MTDH: variants seen among roughly 807,000 people sequenced by gnomAD.
MTDH encodes protein LYRIC.
MTDH carries 34 observed loss-of-function variants against 72.7 expected under a neutral mutation model. The observed-to-expected ratio is 0.47, with a 90% CI of 0.36 to 0.62. MTDH has a LOEUF of 0.62. Among genes scored for constraint, MTDH ranks in the 20% least tolerant of loss-of-function variants. MTDH has a pLI of 0.00. For missense variants in MTDH, 677 were observed against 699.4 expected, an observed-to-expected ratio of 0.97 and a Z score of 0.36; for synonymous variants, 266 against 268.9, an observed-to-expected ratio of 0.99 and a Z score of 0.10.
intron 7 of MTDH, among the ~76,000 whole-genome samples, chr8:97,705,926 G>C (rs923094075): frequency 1.3e-5 from 2 of 152,174 alleles, no homozygotes; most frequent in East Asian, 1.9e-4. Context: ...TAAAAATTCA[G>C]TGCATCCTAT....
intron 1 of MTDH, among the ~76,000 whole-genome samples, chr8:97,653,705 T>G (rs1222832438): frequency 6.6e-6 from 1 of 152,148 alleles, no homozygotes; most frequent in Admixed American, 6.5e-5. Context: ...TTGAGAGTAT[T>G]TTTAAATTAT....
intron 1 of MTDH, 22 bp from the exon 2 acceptor site, chr8:97,661,050 A>T: frequency 6.3e-7 from 1 of 1,598,256 alleles, no homozygotes; most frequent in Non-Finnish European, 8.6e-7. Flanking sequence ...TGATAATATG[A>T]TACTTTTTGT....
chr8:97,695,607 G>A (rs1323661968), intron 6 of MTDH, among the ~76,000 whole-genome samples: 2 of 152,174 alleles, frequency 1.3e-5, no homozygotes, highest in African/African-American at 2.4e-5. Context: ...AGACAGATGT[G>A]ACTCGTCTCA....
chr8:97,659,491 T>C (rs1214417477), intron 1 of MTDH, among the ~76,000 whole-genome samples: 1 of 152,266 alleles, frequency 6.6e-6, no homozygotes, highest in Non-Finnish European at 1.5e-5. Context: ...GTTTTGATTT[T>C]CTGCCACAGA....
chr8:97,713,878 CATTT>C (rs1814737937), intron 9 of MTDH, 109 bp downstream of exon 9: 2 of 500,678 alleles, frequency 4.0e-6, no homozygotes, highest in Non-Finnish European at 3.4e-6. Context: ...TATGAGACAT[CATTT>C]ATTTGAAAAA....
chr8:97,672,205 C>T (rs904963011), intron 2 of MTDH, among the ~76,000 whole-genome samples: 3 of 152,160 alleles, frequency 2.0e-5, no homozygotes, highest in Admixed American at 6.5e-5. Context: ...TTATCATTGG[C>T]AGTTTTTTAC....
At chr8:97,697,481 G>A (rs1447193031) in intron 6 of MTDH, among the ~76,000 whole-genome samples, 2 of 147,374 alleles carry the variant, frequency 1.4e-5, no homozygotes, top group African/African-American at 5.1e-5. Context: ...CGCCTCCCTG[G>A]TTCAAACGAT....
chr8:97,690,660 A>G (rs1463664083), intron 5 of MTDH, among the ~76,000 whole-genome samples: 2 of 152,216 alleles, frequency 1.3e-5, no homozygotes, highest in Non-Finnish European at 2.9e-5. Context: ...AAGAACATGT[A>G]ACTAAGGAAA....
intron 1 of MTDH, among the ~76,000 whole-genome samples, chr8:97,654,189 A>G (rs1208899055): frequency 1.2e-4 from 19 of 152,170 alleles, no homozygotes. Flanking sequence ...AATTTGAACC[A>G]TAGGTTATAT....
At chr8:97,709,494 T>C (rs1814532537) in intron 8 of MTDH, among the ~76,000 whole-genome samples, 1 of 152,184 alleles carries the variant, frequency 6.6e-6, no homozygotes, top group South Asian at 2.1e-4. Flanking sequence ...CTTTTACATT[T>C]CTAAGCAAAA....
At chr8:97,719,487 T>C (rs558754991) in intron 10 of MTDH, among the ~76,000 whole-genome samples, 1 of 124,774 alleles carries the variant, frequency 8.0e-6, no homozygotes, top group South Asian at 2.6e-4. Flanking sequence ...AGCAAGACAC[T>C]GTCTCAAAAA....
chr8:97,705,180 C>T (rs1389438460), intron 7 of MTDH, among the ~76,000 whole-genome samples: 1 of 151,462 alleles, frequency 6.6e-6, no homozygotes, highest in East Asian at 1.9e-4. Context: ...GCCTGTAATC[C>T]CAGCTACTTG....
intron 11 of MTDH, 89 bp downstream of exon 11, chr8:97,723,124 C>G (rs1008998839): frequency 7.2e-7 from 1 of 1,381,168 alleles, no homozygotes; most frequent in East Asian, 2.4e-5. Context: ...GGAGGCCAGG[C>G]GCAGTGGCTC....
intron 9 of MTDH, among the ~76,000 whole-genome samples, chr8:97,718,113 G>A (rs900963000): frequency 3.3e-5 from 5 of 151,782 alleles, no homozygotes; most frequent in Non-Finnish European, 4.4e-5. Flanking sequence ...GTGCAGTGGC[G>A]AGATCTGCAA....
intron 7 of MTDH, among the ~76,000 whole-genome samples, chr8:97,703,102 C>T (rs1022218099): frequency 1.3e-5 from 2 of 152,210 alleles, no homozygotes; most frequent in Non-Finnish European, 2.9e-5. Context: ...CCATGGCTCA[C>T]ACTTGTAATC....
intron 1 of MTDH, among the ~76,000 whole-genome samples, chr8:97,660,414 A>G (rs1812131448): frequency 6.6e-6 from 1 of 152,170 alleles, no homozygotes; most frequent in Non-Finnish European, 1.5e-5. Context: ...TGTATCATCT[A>G]TGGCTGCTTT....
chr8:97,702,969 T>C (rs1459967159), intron 7 of MTDH, among the ~76,000 whole-genome samples: 2 of 152,264 alleles, frequency 1.3e-5, no homozygotes, highest in East Asian at 1.9e-4. Flanking sequence ...TGGAAAACTT[T>C]AGCGATAAGA....
chr8:97,710,550 T>G (rs62521700), intron 8 of MTDH, among the ~76,000 whole-genome samples: 1 of 147,002 alleles, frequency 6.8e-6, no homozygotes, highest in Non-Finnish European at 1.5e-5. Flanking sequence ...AAAAAAAATT[T>G]AGCTGGATGT....
At chr8:97,649,062 T>TC (rs768655073) in intron 1 of MTDH, among the ~76,000 whole-genome samples, 1 of 152,198 alleles carries the variant, frequency 6.6e-6, no homozygotes, top group Non-Finnish European at 1.5e-5. Flanking sequence ...CACAAACACT[T>TC]ACCATTGTGT....
Sources: allele counts gnomAD v4.1 joint callset (sites outside exome capture counted in the v4.1 genomes callset), GRCh38; gene constraint gnomAD v4.1.1; transcripts MANE v1.5; gene names NCBI Gene and HGNC (gene_info 2026-07-23, HGNC 2026-07-21).